Variants in ARHGEF33 observed in about 807,000 individuals in gnomAD.
ARHGEF33 encodes the protein Rho guanine nucleotide exchange factor 33, also known as DH and coiled-coil domain-containing protein ENSP00000381780.
ARHGEF33 carries 72 observed loss-of-function variants against 101.9 expected under a neutral mutation model. That is an observed-to-expected ratio of 0.71 (90% CI 0.58 to 0.86). The LOEUF (loss-of-function observed/expected upper bound fraction) is 0.86, where lower values mean the gene tolerates loss of function less well. Ranked by LOEUF, ARHGEF33 falls within the 40% of genes least tolerant of loss-of-function variation. The pLI, the probability that ARHGEF33 is intolerant of heterozygous loss-of-function variation, is 0.00. For missense variants in ARHGEF33, 1,169 were observed against 1,111.3 expected, an observed-to-expected ratio of 1.05 and a Z score of -0.74; for synonymous variants, 499 against 442.5, an observed-to-expected ratio of 1.13 and a Z score of -1.60.
chr2:38,894,264 C>T (rs1416352079), intron 1 of ARHGEF33, among the ~76,000 whole-genome samples: 4 of 151,682 alleles, frequency 2.6e-5, no homozygotes, highest in Non-Finnish European at 2.9e-5. Context: ...CCCGGGAGGT[C>T]GAGGCTGCAG....
chr2:38,954,377 A>T lies in ARHGEF33; in HGVS notation c.1142A>T (p.Asp381Val). The T allele has an allele frequency of 1.3e-6, 2 of 1,542,470 alleles. No homozygotes were observed. Among genetic ancestry groups the T allele is most frequent in the South Asian group, 1.2e-5 (1 of 83,890 alleles). ...LVHVVVLKEGDEEIKSDIYTL... is the reference protein window; with the variant it reads ...LVHVVVLKEGVEEIKSDIYTL... ...CTTGACCTTTCTTTCATTCAGGGTGATGAAGAGATTAAATCTGACATCTAC... is the reference window on the plus strand; with the variant it reads ...CTTGACCTTTCTTTCATTCAGGGTGTTGAAGAGATTAAATCTGACATCTAC... Residue 381 changes from aspartate to valine, a missense_variant, in exon 13 of 18, where the codon GAT becomes GTT. Asp to Val is a radical substitution (Grantham distance 152). Transcript: ENST00000409978.
rs1048992969 is a variant in ARHGEF33 at position 38,934,217 on chromosome 2, G to A, written c.506-1558G>A. Reference sequence around the variant, plus strand: ...CTTGAAACATTCTCTTCTTTTGGCTGACACTGTGCTTCTTTGATTTTACAC... The same window carrying A: ...CTTGAAACATTCTCTTCTTTTGGCTAACACTGTGCTTCTTTGATTTTACAC... On this transcript the variant is annotated intron_variant, in intron 7 of 17. Coordinates refer to ENST00000409978, the MANE Select transcript of ARHGEF33 (RefSeq NM_001145451.5). Among the ~76,000 whole-genome samples the A allele has an allele frequency of 2.0e-5, 3 of 152,232 alleles. No homozygotes were observed. The East Asian group carries it at 5.8e-4, about 29-fold the overall frequency.
intron 2 of ARHGEF33, among the ~76,000 whole-genome samples, chr2:38,917,122 C>T (rs1384027686): frequency 5.1e-5 from 1 of 19,652 alleles, no homozygotes; most frequent in Non-Finnish European, 1.2e-4. Flanking sequence ...GACGGAGTCT[C>T]ACTACGTCAC....
At chr2:38,891,810 G>T (rs1394278889) in intron 1 of ARHGEF33, among the ~76,000 whole-genome samples, 1 of 147,528 alleles carries the variant, frequency 6.8e-6, no homozygotes, top group Admixed American at 6.8e-5. Flanking sequence ...CCAAGGACTT[G>T]ACTAATCACT....
At chr2:38,939,277 T>C (rs1217320275) in intron 9 of ARHGEF33, among the ~76,000 whole-genome samples, 1 of 152,212 alleles carries the variant, frequency 6.6e-6, no homozygotes, top group Non-Finnish European at 1.5e-5. Context: ...CCTAGCTAGC[T>C]ATGAATATTC....
At chr2:38,973,678 A>T in intron 17 of ARHGEF33, 36 bp from the exon 18 acceptor site, 1 of 1,458,510 alleles carries the variant, frequency 6.9e-7, no homozygotes. Context: ...TTAAAACCAA[A>T]TCAACCTGTA....
intron 7 of ARHGEF33, among the ~76,000 whole-genome samples, chr2:38,935,028 G>A (rs1337720630): frequency 1.3e-5 from 2 of 148,382 alleles, no homozygotes; most frequent in African/African-American, 2.5e-5. Context: ...GTGAATCAGG[G>A]AGAAAACAGT....
chr2:38,940,005 A>AT (rs1184383184), intron 9 of ARHGEF33, among the ~76,000 whole-genome samples: 4 of 151,988 alleles, frequency 2.6e-5, no homozygotes, highest in Admixed American at 6.6e-5. Flanking sequence ...CTCCAGGTTC[A>AT]TTTTTTTTCC....
At chr2:38,942,964 G>C (rs1283740720) in intron 9 of ARHGEF33, among the ~76,000 whole-genome samples, 1 of 152,142 alleles carries the variant, frequency 6.6e-6, no homozygotes, top group Non-Finnish European at 1.5e-5. Flanking sequence ...GTCTTGCTCT[G>C]TCACCCAGGC....
intron 2 of ARHGEF33, among the ~76,000 whole-genome samples, chr2:38,896,126 C>CT (rs1666117552): frequency 6.6e-6 from 1 of 152,144 alleles, no homozygotes; most frequent in South Asian, 2.1e-4. Context: ...ATGAACTATG[C>CT]TTTTTTGTTT....
intron 2 of ARHGEF33, among the ~76,000 whole-genome samples, chr2:38,902,926 T>C (rs1572739818): frequency 6.6e-6 from 1 of 152,180 alleles, no homozygotes; most frequent in East Asian, 1.9e-4. Context: ...AAGGCCTTTC[T>C]AATAAAGTGA....
At chr2:38,958,460 A>T (rs1427683912) in intron 15 of ARHGEF33, among the ~76,000 whole-genome samples, 1 of 152,226 alleles carries the variant, frequency 6.6e-6, no homozygotes, top group Non-Finnish European at 1.5e-5. Context: ...ACAAAACTTC[A>T]TCTTCTTTGA....
intron 16 of ARHGEF33, among the ~76,000 whole-genome samples, chr2:38,962,849 CAA>C (rs386389985): frequency 1.8e-5 from 1 of 56,132 alleles, no homozygotes; most frequent in African/African-American, 8.3e-5. Context: ...CCCGTCTCTA[CAA>C]AAAAAAAAAA....
At chr2:38,934,213 G>T (rs1320419717) in intron 7 of ARHGEF33, among the ~76,000 whole-genome samples, 1 of 151,886 alleles carries the variant, frequency 6.6e-6, no homozygotes, top group South Asian at 2.1e-4. Flanking sequence ...CTCTTCTTTT[G>T]GCTGACACTG....
At chr2:38,915,212 T>C (rs1457852510) in intron 2 of ARHGEF33, among the ~76,000 whole-genome samples, 1 of 152,024 alleles carries the variant, frequency 6.6e-6, no homozygotes, top group Non-Finnish European at 1.5e-5. Flanking sequence ...GGAAAGGTAG[T>C]TACAAAATTT....
intron 17 of ARHGEF33, among the ~76,000 whole-genome samples, chr2:38,972,136 C>A (rs1446857031): frequency 6.6e-6 from 1 of 152,168 alleles, no homozygotes; most frequent in Non-Finnish European, 1.5e-5. Flanking sequence ...CCCCTGACCT[C>A]CTGCCCCTAA....
intron 2 of ARHGEF33, among the ~76,000 whole-genome samples, chr2:38,903,164 C>G (rs760572101): frequency 6.6e-6 from 1 of 152,150 alleles, no homozygotes; most frequent in Non-Finnish European, 1.5e-5. Flanking sequence ...AGTCTTTTAA[C>G]ATTTTAATGA....
At chr2:38,915,794 A>G (rs1666620769) in intron 2 of ARHGEF33, among the ~76,000 whole-genome samples, 1 of 152,198 alleles carries the variant, frequency 6.6e-6, no homozygotes, top group African/African-American at 2.4e-5. Context: ...TGAGAGGACA[A>G]AGTGGAAGAA....
chr2:38,940,828 CT>C (rs1257285896), intron 9 of ARHGEF33, among the ~76,000 whole-genome samples: 1 of 152,106 alleles, frequency 6.6e-6, no homozygotes, highest in Non-Finnish European at 1.5e-5. Context: ...AGAGACTGGA[CT>C]TTTTTTAAGG....
Sources: gnomAD v4.1 joint callset for allele counts (sites outside exome capture counted in the v4.1 genomes callset) on GRCh38, gnomAD v4.1.1 for gene constraint, MANE v1.5 for transcripts, NCBI Gene and HGNC (gene_info 2026-07-23, HGNC 2026-07-21) for gene names.